Variants in MMP26 observed in about 807,000 individuals in gnomAD.
MMP26 encodes matrix metallopeptidase 26.
A neutral mutation model predicts 31.0 loss-of-function variants in MMP26; 33 were observed. The ratio of observed to expected loss-of-function variants is 1.06; its 90% CI spans 0.81 to 1.42. MMP26 has a LOEUF of 1.42. MMP26 is among the 40% of genes most tolerant of loss of function. The pLI is 0.00. For missense variants in MMP26, 347 were observed against 316.1 expected (o/e 1.10, Z -0.74); for synonymous variants, 122 against 114.9 (o/e 1.06, Z -0.40).
intron 2 of MMP26, among the ~76,000 whole-genome samples, chr11:4,806,207 C>T (rs936935466): frequency 2.6e-5 from 4 of 151,650 alleles, no homozygotes; most frequent in Non-Finnish European, 4.4e-5. Flanking sequence ...TGTTGATTTG[C>T]GGTGGAGAGT....
intron 1 of MMP26, chr11:4,723,368 G>T: frequency 5.2e-6 from 5 of 956,428 alleles, no homozygotes; most frequent in South Asian, 5.1e-5. Flanking sequence ...GCCCGGCTGC[G>T]GTTGGAGATC....
chr11:4,859,965 G>GT (rs1564795574), intron 2 of MMP26: 2 of 471,136 alleles, frequency 4.2e-6, no homozygotes, highest in Admixed American at 4.7e-5. Flanking sequence ...CGATGAGGCC[G>GT]TAGAGGCTGT....
chr11:4,952,871 G>A lies in MMP26; in HGVS notation c.-144-35197G>A, dbSNP rs560167885. On this transcript the variant is annotated intron_variant, in intron 2 of 7. Coordinates refer to ENST00000380390, the MANE Select transcript of MMP26 (RefSeq NM_021801.5). ...TATTAAAATTTTCCATTAATTGGGAGGTACTGTCAGCTGTGGGCTGATTAT... is the reference window on the plus strand; with the variant it reads ...TATTAAAATTTTCCATTAATTGGGAAGTACTGTCAGCTGTGGGCTGATTAT... Among the ~76,000 whole-genome samples the A allele has an allele frequency of 2.5e-4, 31 of 125,258 alleles. 4 individuals carry two copies. The South Asian group carries it at 7.5e-3, about 30-fold the overall frequency. 82.2% of individuals were successfully genotyped at this position (125,258 alleles called of 152,430 possible).
chr11:4,924,044 C>A, intron 2 of MMP26: 1 of 1,614,118 alleles, frequency 6.2e-7, no homozygotes, highest in Non-Finnish European at 8.5e-7. Context: ...CTGAGTGAAA[C>A]AGGCAGGGAT....
At chr11:4,835,165 T>A (rs1311152546) in intron 2 of MMP26, among the ~76,000 whole-genome samples, 1 of 149,550 alleles carries the variant, frequency 6.7e-6, no homozygotes, top group Non-Finnish European at 1.5e-5. Context: ...ATTCTCAATA[T>A]CTCCCTCCCC....
chr11:4,766,993 A>G (rs1179159064), intron 1 of MMP26, among the ~76,000 whole-genome samples: 4 of 152,154 alleles, frequency 2.6e-5, no homozygotes, highest in Non-Finnish European at 4.4e-5. Context: ...CTCACATATA[A>G]AAGTCAGAAA....
At chr11:4,783,928 T>A (rs1848900128) in intron 2 of MMP26, among the ~76,000 whole-genome samples, 1 of 152,186 alleles carries the variant, frequency 6.6e-6, no homozygotes, top group Non-Finnish European at 1.5e-5. Flanking sequence ...GAGCTTTAAG[T>A]CCAGTTAAAC....
chr11:4,723,987 G>A (rs1471582109), intron 1 of MMP26: 4 of 722,924 alleles, frequency 5.5e-6, no homozygotes, highest in Non-Finnish European at 1.0e-5. Flanking sequence ...CAGTGGTGAT[G>A]CCTCCCATGC....
intron 2 of MMP26, among the ~76,000 whole-genome samples, chr11:4,840,520 C>T (rs1015120859): frequency 1.2e-4 from 19 of 152,180 alleles, no homozygotes; most frequent in Admixed American, 7.9e-4. Context: ...GGGAAGAGAA[C>T]GAGAGTCTCT....
intron 2 of MMP26, chr11:4,803,558 C>A (rs754493830): frequency 1.9e-6 from 3 of 1,613,898 alleles, no homozygotes; most frequent in South Asian, 2.2e-5. Flanking sequence ...AGGATGTGTA[C>A]AACTCGGGGC....
At chr11:4,859,428 A>G (rs2133510145) in intron 2 of MMP26, among the ~76,000 whole-genome samples, 1 of 152,332 alleles carries the variant, frequency 6.6e-6, no homozygotes, top group Admixed American at 6.5e-5. Context: ...CAAAATACAC[A>G]CATTCCAAAA....
At chr11:4,815,931 TTTTACAAGCATTTAA>T (rs1314766918) in intron 2 of MMP26, among the ~76,000 whole-genome samples, 2 of 152,226 alleles carry the variant, frequency 1.3e-5, no homozygotes, top group African/African-American at 4.8e-5. Flanking sequence ...GTTCACTCAA[TTTTACAAGCATTTAA>T]TTTTCCTTAT....
At chr11:4,817,686 A>T (rs1408279931) in intron 2 of MMP26, among the ~76,000 whole-genome samples, 3 of 152,232 alleles carry the variant, frequency 2.0e-5, no homozygotes, top group African/African-American at 7.2e-5. Context: ...TATTATAAAG[A>T]TAATGCAATA....
intron 2 of MMP26, among the ~76,000 whole-genome samples, chr11:4,854,143 G>A (rs1406086409): frequency 6.6e-6 from 1 of 152,204 alleles, no homozygotes. Context: ...ATAGCTCCCA[G>A]CATGAGTGAC....
chr11:4,938,587 A>G (rs970168285), intron 2 of MMP26, among the ~76,000 whole-genome samples: 4 of 152,164 alleles, frequency 2.6e-5, no homozygotes, highest in Non-Finnish European at 5.9e-5. Flanking sequence ...CGCACTTAAC[A>G]ATTCAAGACA....
chr11:4,734,242 T>C (rs902534615), intron 1 of MMP26, among the ~76,000 whole-genome samples: 3 of 152,202 alleles, frequency 2.0e-5, no homozygotes, highest in African/African-American at 7.2e-5. Context: ...ATATTAATTT[T>C]TCTTTAAGTG....
chr11:4,967,529 A>C (rs576161450), intron 2 of MMP26, among the ~76,000 whole-genome samples: 1 of 152,166 alleles, frequency 6.6e-6, no homozygotes, highest in African/African-American at 2.4e-5. Flanking sequence ...GGTCCCCAAG[A>C]TATTCTGAGG....
chr11:4,959,010 G>A (rs554671971), intron 2 of MMP26, among the ~76,000 whole-genome samples: 14 of 151,964 alleles, frequency 9.2e-5, no homozygotes, highest in Admixed American at 1.3e-4. Flanking sequence ...AGGCCGAGGC[G>A]GGCAGATCAT....
At chr11:4,854,230 C>G (rs1290097877) in intron 2 of MMP26, among the ~76,000 whole-genome samples, 1 of 152,150 alleles carries the variant, frequency 6.6e-6, no homozygotes, top group African/African-American at 2.4e-5. Flanking sequence ...ACAGTGGGTG[C>G]AGGCCACAGA....
Sources: allele counts gnomAD v4.1 joint callset (sites outside exome capture counted in the v4.1 genomes callset), GRCh38; gene constraint gnomAD v4.1.1; transcripts MANE v1.5; gene names NCBI Gene and HGNC (gene_info 2026-07-23, HGNC 2026-07-21).